The following ACTR3C variants were observed in gnomAD, a reference collection of about 807,000 sequenced individuals.
ACTR3C encodes the protein actin-related protein 3C.
Under a neutral mutation model 26.3 loss-of-function variants are expected in ACTR3C, and 18 were observed. The observed-to-expected ratio is 0.68, with a 90% CI of 0.47 to 1.01. The LOEUF (loss-of-function observed/expected upper bound fraction) is 1.01, where lower values mean the gene tolerates loss of function less well. Among genes scored for constraint, ACTR3C ranks in the 50% least tolerant of loss-of-function variants. The pLI is 0.00. For synonymous variants in ACTR3C, 55 were observed against 94.5 expected (o/e 0.58, Z 2.42); for missense variants, 184 against 250.7 (o/e 0.73, Z 1.80).
At chr7:150,142,286 T>C in the ACTR3C span, among the ~76,000 whole-genome samples, 640 of 152,242 alleles carry the variant, frequency 4.2e-3, 8 homozygotes, top group African/African-American at 0.015. Flanking sequence ...CCCAAGAGAA[T>C]AGGATGCGTG....
chr7:150,046,847 G>A, the ACTR3C span, among the ~76,000 whole-genome samples: 1 of 145,956 alleles, frequency 6.9e-6, no homozygotes, highest in Non-Finnish European at 1.5e-5. Flanking sequence ...TGAAACCCAG[G>A]CTTCCAGCCC....
At chr7:150,152,188 T>G in the ACTR3C span, among the ~76,000 whole-genome samples, 1 of 152,088 alleles carries the variant, frequency 6.6e-6, no homozygotes, top group Non-Finnish European at 1.5e-5. Context: ...TGAATAGGAG[T>G]GGTGAAGAAG....
the ACTR3C span, among the ~76,000 whole-genome samples, chr7:150,120,250 G>A: frequency 6.6e-6 from 1 of 152,096 alleles, no homozygotes; most frequent in African/African-American, 2.4e-5. Flanking sequence ...AGAACTGAAG[G>A]AGATAGACAC....
the ACTR3C span, among the ~76,000 whole-genome samples, chr7:149,967,999 A>C: frequency 6.6e-6 from 1 of 152,220 alleles, no homozygotes; most frequent in Admixed American, 6.5e-5. Context: ...TTTTCTGCCC[A>C]GGACGGCATA....
the ACTR3C span, among the ~76,000 whole-genome samples, chr7:150,122,648 A>C: frequency 1.3e-5 from 2 of 152,196 alleles, no homozygotes; most frequent in African/African-American, 2.4e-5. Flanking sequence ...TGGGAGTATA[A>C]ATTAGTTCAA....
chr7:150,307,718 T>G (rs1263891954), intron 1 of ACTR3C, among the ~76,000 whole-genome samples: 2 of 152,200 alleles, frequency 1.3e-5, no homozygotes, highest in Admixed American at 6.5e-5. Flanking sequence ...GTGCCATGAC[T>G]TGGTTCGGGG....
the ACTR3C span, among the ~76,000 whole-genome samples, chr7:150,038,495 G>T: frequency 2.1e-5 from 3 of 143,762 alleles, no homozygotes; most frequent in Non-Finnish European, 3.0e-5. Context: ...TCATACAAAG[G>T]CTTGGCTAAT....
rs1322236989 is a variant in ACTR3C, at chr7:150,293,367, G to A, written c.98C>T (p.Thr33Ile). 1.9e-6 allele frequency: 3 copies of A among 1,608,344 alleles called. No individual in the cohort carries two copies. In the East Asian group the frequency reaches 6.7e-5, roughly 36 times the overall value. ...GCTGTCAATGACTATCCCCGTTAAT[G>A]TACGTTCACCCACTTGTCGAGATGT... is the stretch of plus-strand genomic sequence containing the variant. ...SWTSRQVGER[T>I]LTGIVIDSGD... Residue 33 changes from threonine (T) to isoleucine (I), a missense_variant, in exon 3 of 8, where the codon ACA (threonine) becomes ATA (isoleucine). By Grantham distance (89) the Thr-to-Ile change is moderately conservative. Coordinates refer to ENST00000683684, the MANE Select transcript of ACTR3C (RefSeq NM_001164458.2).
intron 1 of ACTR3C, among the ~76,000 whole-genome samples, chr7:150,296,251 T>A (rs1836729537): frequency 1.3e-5 from 2 of 149,412 alleles, no homozygotes; most frequent in South Asian, 4.2e-4. Context: ...ACTCGGGGGC[T>A]GAGGTAGGAC....
At chr7:150,067,265 G>T in the ACTR3C span, among the ~76,000 whole-genome samples, 1 of 152,208 alleles carries the variant, frequency 6.6e-6, no homozygotes, top group East Asian at 1.9e-4. Flanking sequence ...CAGTTTGACT[G>T]TCTTCATTTA....
the ACTR3C span, among the ~76,000 whole-genome samples, chr7:150,039,549 C>CG: frequency 9.5e-6 from 1 of 105,244 alleles, no homozygotes; most frequent in Non-Finnish European, 2.2e-5. Flanking sequence ...TCCCCAGAGC[C>CG]AGGGGGGGAA....
the ACTR3C span, among the ~76,000 whole-genome samples, chr7:149,898,892 C>T: frequency 6.6e-6 from 1 of 151,892 alleles, no homozygotes; most frequent in African/African-American, 2.4e-5. Flanking sequence ...GTGGCCCAAA[C>T]AGTTCTTATG....
the ACTR3C span, among the ~76,000 whole-genome samples, chr7:149,898,343 C>T: frequency 6.6e-6 from 1 of 152,234 alleles, no homozygotes; most frequent in Non-Finnish European, 1.5e-5. Context: ...GTGACAGATA[C>T]TATCCTCTAG....
At chr7:149,919,391 C>G in the ACTR3C span, among the ~76,000 whole-genome samples, 1 of 151,338 alleles carries the variant, frequency 6.6e-6, no homozygotes, top group Non-Finnish European at 1.5e-5. Context: ...CAGGCATCCA[C>G]CACCATGCCC....
At chr7:150,123,272 C>T in the ACTR3C span, among the ~76,000 whole-genome samples, 1 of 151,922 alleles carries the variant, frequency 6.6e-6, no homozygotes, top group Non-Finnish European at 1.5e-5. Context: ...AAGAATGAGG[C>T]TGGGGCCTGG....
At chr7:149,921,467 C>T in the ACTR3C span, among the ~76,000 whole-genome samples, 3 of 152,242 alleles carry the variant, frequency 2.0e-5, no homozygotes, top group African/African-American at 7.2e-5. Context: ...TTATGGATGT[C>T]AGCTGACCTC....
chr7:150,281,468 A>T (rs1275151664), intron 6 of ACTR3C, among the ~76,000 whole-genome samples: 1 of 149,922 alleles, frequency 6.7e-6, no homozygotes, highest in Non-Finnish European at 1.5e-5. Flanking sequence ...CACTGCTCAG[A>T]CACTGCTTCT....
At chr7:149,970,594 A>G in the ACTR3C span, among the ~76,000 whole-genome samples, 1 of 152,154 alleles carries the variant, frequency 6.6e-6, no homozygotes, top group Admixed American at 6.5e-5. Flanking sequence ...TTGGATAAAA[A>G]ATTATATGGT....
At chr7:150,035,235 T>A in the ACTR3C span, among the ~76,000 whole-genome samples, 1 of 97,714 alleles carries the variant, frequency 1.0e-5, no homozygotes, top group African/African-American at 4.2e-5. Context: ...ATGGGGGTCC[T>A]AAGAGCCAGT....
Sources: gnomAD v4.1 joint callset for allele counts (sites outside exome capture counted in the v4.1 genomes callset) on GRCh38, gnomAD v4.1.1 for gene constraint, MANE v1.5 for transcripts, NCBI Gene and HGNC (gene_info 2026-07-23, HGNC 2026-07-21) for gene names.